Variants in LMBR1 observed in about 807,000 individuals in gnomAD.
LMBR1 encodes limb development membrane protein 1.
In LMBR1, 52 loss-of-function variants were observed where a neutral mutation model predicts 73.9. The observed-to-expected ratio is 0.70, with a 90% CI of 0.56 to 0.89. LMBR1 has a LOEUF of 0.89. Among genes scored for constraint, LMBR1 ranks in the 40% least tolerant of loss-of-function variants. The probability of loss-of-function intolerance (pLI) is 0.00; values close to 1 mark genes in which losing one functional copy is unlikely to be tolerated. For synonymous variants in LMBR1, 215 were observed against 209.4 expected (o/e 1.03, Z -0.23); for missense variants, 539 against 579.8 (o/e 0.93, Z 0.72).
chr7:156,857,348 A>G (rs1029337547), intron 1 of LMBR1, among the ~76,000 whole-genome samples: 13 of 152,198 alleles, frequency 8.5e-5, no homozygotes, highest in African/African-American at 3.1e-4. Context: ...AATTTCAGGC[A>G]AGGCAGACTT....
intron 1 of LMBR1, among the ~76,000 whole-genome samples, chr7:156,847,086 A>G (rs920776740): frequency 6.6e-6 from 1 of 152,204 alleles, no homozygotes; most frequent in African/African-American, 2.4e-5. Flanking sequence ...ACAGACAAAT[A>G]TAAATATAGA....
chr7:156,749,284 G>A (rs1820405427), intron 9 of LMBR1, among the ~76,000 whole-genome samples: 1 of 147,574 alleles, frequency 6.8e-6, no homozygotes, highest in African/African-American at 2.6e-5. Flanking sequence ...CATATATCAA[G>A]TGTGTTATAT....
chr7:156,675,673 A>ACCCGCCCCC, downstream of LMBR1: 1 of 1,395,370 alleles, frequency 7.2e-7, no homozygotes, highest in Non-Finnish European at 1.0e-6. Context: ...GTGTGAGCTT[A>ACCCGCCCCC]CCCGCCCCCG....
intron 1 of LMBR1, among the ~76,000 whole-genome samples, chr7:156,878,474 T>C (rs1333341109): frequency 6.6e-6 from 1 of 151,742 alleles, no homozygotes; most frequent in Admixed American, 6.6e-5. Context: ...AACAAATAAA[T>C]AAAACACTTA....
intron 4 of LMBR1, among the ~76,000 whole-genome samples, chr7:156,801,293 A>G (rs1395506650): frequency 6.6e-6 from 1 of 152,222 alleles, no homozygotes; most frequent in East Asian, 1.9e-4. Context: ...CCACCAGCAA[A>G]AAGATTACAG....
chr7:156,794,845 G>A (rs927738363), intron 5 of LMBR1, among the ~76,000 whole-genome samples: 1 of 152,104 alleles, frequency 6.6e-6, no homozygotes, highest in Non-Finnish European at 1.5e-5. Context: ...GTTCTGCACT[G>A]TGTGGGGCAT....
intron 9 of LMBR1, among the ~76,000 whole-genome samples, chr7:156,741,865 A>G (rs1818961218): frequency 6.6e-6 from 1 of 152,144 alleles, no homozygotes; most frequent in African/African-American, 2.4e-5. Flanking sequence ...CCTCAGCACA[A>G]GGATCATTCT....
At chr7:156,813,142 G>A (rs1284563182) in intron 4 of LMBR1, among the ~76,000 whole-genome samples, 3 of 152,086 alleles carry the variant, frequency 2.0e-5, no homozygotes, top group Non-Finnish European at 4.4e-5. Flanking sequence ...TTGTTGCTCA[G>A]GCTGGTCTTG....
At chr7:156,858,895 A>G (rs1252491550) in intron 1 of LMBR1, among the ~76,000 whole-genome samples, 1 of 152,172 alleles carries the variant, frequency 6.6e-6, no homozygotes, top group Admixed American at 6.5e-5. Context: ...GTGAATAAAA[A>G]AAAAATTCTC....
At chr7:156,826,878 G>T in intron 3 of LMBR1, 134 bp from the exon 4 acceptor site, 1 of 789,240 alleles carries the variant, frequency 1.3e-6, no homozygotes, top group Non-Finnish European at 1.9e-6. Context: ...AATATATGTA[G>T]TTGGGAGACA....
At chr7:156,790,305 G>A (rs1465924211) in intron 5 of LMBR1, among the ~76,000 whole-genome samples, 1 of 151,884 alleles carries the variant, frequency 6.6e-6, no homozygotes, top group East Asian at 1.9e-4. Flanking sequence ...AATGTGTCTT[G>A]GGTACTTTAC....
chr7:156,858,551 A>G (rs982553916), intron 1 of LMBR1, among the ~76,000 whole-genome samples: 12 of 152,240 alleles, frequency 7.9e-5, no homozygotes, highest in African/African-American at 2.9e-4. Flanking sequence ...ATGCTTTCTA[A>G]CACACTATAT....
At chr7:156,780,500 T>C (rs1159512185) in intron 5 of LMBR1, among the ~76,000 whole-genome samples, 2 of 152,200 alleles carry the variant, frequency 1.3e-5, no homozygotes, top group African/African-American at 4.8e-5. Flanking sequence ...TTTTTACACA[T>C]AATTCTGAAT....
intron 5 of LMBR1, among the ~76,000 whole-genome samples, chr7:156,793,907 C>A (rs916731635): frequency 8.5e-5 from 13 of 152,256 alleles, no homozygotes; most frequent in Admixed American, 8.5e-4. Context: ...GATGAAGTCA[C>A]CTCCCAGGCA....
chr7:156,781,557 TTTGGTTTTATGTA>T (rs1455053558), intron 5 of LMBR1, among the ~76,000 whole-genome samples: 1 of 152,210 alleles, frequency 6.6e-6, no homozygotes, highest in Non-Finnish European at 1.5e-5. Flanking sequence ...CAAGTTGGCA[TTTGGTTTTATGTA>T]TCAGCCTCTG....
rs1335006711 is a variant in LMBR1, at chr7:156,684,879, C to G, written c.1388-716G>C. ...GGCTGAGGTGGGAGAATTCCTTGAG[C>G]TCAGCAGGTTGTGACTGCAGTGAGA... On this transcript the variant is annotated intron_variant, in intron 16 of 16. Transcript: ENST00000353442. Among the ~76,000 whole-genome samples, 4 of 152,156 alleles carry G rather than the reference C, an allele frequency of 2.6e-5. No homozygotes were observed. In the East Asian group the frequency reaches 7.7e-4, roughly 29 times the overall value.
chr7:156,740,273 A>G (rs1345157722), intron 9 of LMBR1, among the ~76,000 whole-genome samples: 1 of 152,170 alleles, frequency 6.6e-6, no homozygotes, highest in Non-Finnish European at 1.5e-5. Context: ...TAAAAGGAGC[A>G]AATCTAAGAG....
chr7:156,686,730 G>A (rs1314844447), intron 16 of LMBR1, among the ~76,000 whole-genome samples: 1 of 152,162 alleles, frequency 6.6e-6, no homozygotes, highest in East Asian at 1.9e-4. Context: ...AAAAGCTAAA[G>A]TTACGGCAGT....
intron 1 of LMBR1, among the ~76,000 whole-genome samples, chr7:156,890,746 G>A (rs1233568335): frequency 2.6e-5 from 4 of 152,158 alleles, no homozygotes; most frequent in South Asian, 2.1e-4. Flanking sequence ...CAGTACTGGC[G>A]GAAGTGTACA....
Sources: allele counts gnomAD v4.1 joint callset (sites outside exome capture counted in the v4.1 genomes callset), GRCh38; gene constraint gnomAD v4.1.1; transcripts MANE v1.5; gene names NCBI Gene and HGNC (gene_info 2026-07-23, HGNC 2026-07-21).